Variants in FAM114A2 observed in about 807,000 individuals in gnomAD.
FAM114A2 encodes family with sequence similarity 114 member A2.
A neutral mutation model predicts 58.4 loss-of-function variants in FAM114A2; 53 were observed. The observed-to-expected ratio is 0.91, with a 90% CI of 0.73 to 1.14. The LOEUF (loss-of-function observed/expected upper bound fraction) is 1.14, where lower values mean the gene tolerates loss of function less well. Among genes scored for constraint, FAM114A2 ranks in the 50% most tolerant of loss-of-function variants. The pLI is 0.00. For missense variants in FAM114A2, 601 were observed against 581.1 expected, an observed-to-expected ratio of 1.03 and a Z score of -0.35; for synonymous variants, 228 against 211.4, an observed-to-expected ratio of 1.08 and a Z score of -0.68.
At chr5:154,036,526 C>G (rs1395525306) in intron 1 of FAM114A2, 1 of 152,138 alleles carries the variant, frequency 6.6e-6, no homozygotes, top group African/African-American at 2.4e-5. Flanking sequence ...CCCATGCTAT[C>G]AAAATGTTTC....
intron 4 of FAM114A2, among the ~76,000 whole-genome samples, chr5:154,033,401 C>A (rs1772322577): frequency 6.6e-6 from 1 of 152,100 alleles, no homozygotes; most frequent in South Asian, 2.1e-4. Flanking sequence ...AGGAATACAC[C>A]CCCAAAACAA....
rs77337363 is a variant in FAM114A2, at chr5:154,003,489, T to C, written c.994-520A>G. 6.1e-3 allele frequency among the ~76,000 whole-genome samples: 935 copies of C among 152,300 alleles called. 41 individuals are homozygous for C. In the East Asian group the frequency reaches 0.1, roughly 17 times the overall value. ...CCACTGCGCCCGGCCTCTAATCAGC[T>C]TTTTAAAAAACCAAGGTATAATTTA... On this transcript the variant is annotated intron_variant, in intron 9 of 13. Transcript: ENST00000351797.
At position 154,034,982 on chromosome 5, in the gene FAM114A2, G is replaced by GC. The variant is rs1554085403; in HGVS notation, c.-14-16dup. The GC allele has an allele frequency of 0.015, 22,569 of 1,505,252 alleles. 591 individuals are homozygous for GC. The highest frequency in any genetic ancestry group is 0.12 in the African/African-American group (7,443 of 60,222). The allele number at this position is 1,505,252 out of a possible 1,614,324, so 93.2% of individuals were successfully genotyped here. A position where few individuals can be genotyped will look rare whatever the true frequency, so the allele number is the denominator to read the frequency against. On this transcript the variant is annotated splice_polypyrimidine_tract_variant and intron_variant, in intron 1 of 13. Coordinates refer to ENST00000351797, the MANE Select transcript of FAM114A2 (RefSeq NM_018691.4). ...TAGAACATCAGCTGGTAAAATGAAA[G>GC]CCCAAAAAAAATTTATATAGGCTTC...
At chr5:154,005,041 A>T (rs1346829500) in intron 9 of FAM114A2, among the ~76,000 whole-genome samples, 2 of 152,174 alleles carry the variant, frequency 1.3e-5, no homozygotes, top group East Asian at 3.8e-4. Flanking sequence ...CCCAGACATC[A>T]TCTCTTTCAG....
At chr5:153,993,928 G>A (rs757308322) in intron 13 of FAM114A2, among the ~76,000 whole-genome samples, 9 of 152,140 alleles carry the variant, frequency 5.9e-5, no homozygotes, top group African/African-American at 1.4e-4. Context: ...CTCAGATATC[G>A]TCTAGTTAAA....
intron 8 of FAM114A2, among the ~76,000 whole-genome samples, chr5:154,025,940 G>A (rs1345041455): frequency 6.6e-6 from 1 of 152,032 alleles, no homozygotes; most frequent in Non-Finnish European, 1.5e-5. Context: ...AATAAAAAAA[G>A]ACAAACTATC....
At chr5:154,002,495 G>T in intron 10 of FAM114A2, 105 bp from the exon 11 acceptor site, 1 of 1,210,970 alleles carries the variant, frequency 8.3e-7, no homozygotes, top group Non-Finnish European at 1.2e-6. Context: ...ACTAATAGTT[G>T]CCTTCCAATA....
rs201979939 is a variant in FAM114A2, at chr5:154,011,294, T to C, written c.940A>G (p.Thr314Ala). 154 of 1,612,856 alleles carry C rather than the reference T, an allele frequency of 9.5e-5. No individual in the cohort carries two copies. The highest frequency in any genetic ancestry group is 1.2e-4 in the Non-Finnish European group (146 of 1,179,336). ...ACGTGCAGCTGGGAAAACAGCTCTGTTATGTCCTTGGTAAAATCTTCATCC... is the reference window on the plus strand; with the variant it reads ...ACGTGCAGCTGGGAAAACAGCTCTGCTATGTCCTTGGTAAAATCTTCATCC... ...KGDEDFTKDI[T>A]ELFSQLHVSS... The change falls in exon 9 of 14, where the codon ACA (threonine) becomes GCA (alanine). Residue 314 changes from threonine (T) to alanine (A), a missense_variant. Coordinates refer to ENST00000351797, the MANE Select transcript of FAM114A2 (RefSeq NM_018691.4).
At chr5:154,014,870 A>G (rs892114649) in intron 8 of FAM114A2, among the ~76,000 whole-genome samples, 2 of 152,134 alleles carry the variant, frequency 1.3e-5, no homozygotes, top group African/African-American at 4.8e-5. Context: ...TGAAAGTCCT[A>G]CTTGCTTTCA....
intron 8 of FAM114A2, among the ~76,000 whole-genome samples, chr5:154,017,047 A>C (rs1042965598): frequency 1.3e-5 from 2 of 152,260 alleles, no homozygotes; most frequent in Admixed American, 1.3e-4. Flanking sequence ...ACATCATATA[A>C]TGGCAAAAGG....
At chr5:154,024,613 CATT>C (rs1466528787) in intron 8 of FAM114A2, among the ~76,000 whole-genome samples, 1 of 152,106 alleles carries the variant, frequency 6.6e-6, no homozygotes, top group Non-Finnish European at 1.5e-5. Context: ...CTTTTCAGAT[CATT>C]ATTAATATTC....
chr5:153,996,022 T>C (rs1769534794), intron 12 of FAM114A2, among the ~76,000 whole-genome samples: 1 of 152,056 alleles, frequency 6.6e-6, no homozygotes, highest in African/African-American at 2.4e-5. Context: ...AAACAAAAAT[T>C]AATTAGAATT....
chr5:154,037,338 T>C (rs534809702), intron 1 of FAM114A2: 2 of 152,060 alleles, frequency 1.3e-5, no homozygotes, highest in Non-Finnish European at 2.9e-5. Context: ...CCAAAACACA[T>C]AGAGAAAAAA....
At chr5:154,034,452 C>G in intron 2 of FAM114A2, 75 bp from the exon 3 acceptor site, 1 of 882,298 alleles carries the variant, frequency 1.1e-6, no homozygotes. Context: ...AATGTACAGA[C>G]AAGGTATCTA....
chr5:154,015,437 G>T (rs1313294087), intron 8 of FAM114A2, among the ~76,000 whole-genome samples: 1 of 152,196 alleles, frequency 6.6e-6, no homozygotes, highest in Non-Finnish European at 1.5e-5. Context: ...CACACAGACA[G>T]TTCACAGGAC....
intron 2 of FAM114A2, 39 bp from the exon 3 acceptor site, chr5:154,034,416 A>G (rs911772221): frequency 1.6e-6 from 2 of 1,282,744 alleles, no homozygotes; most frequent in Non-Finnish European, 2.2e-6. Flanking sequence ...AGGCAAAGAA[A>G]AATGAAAAAA....
intron 11 of FAM114A2, among the ~76,000 whole-genome samples, chr5:154,001,993 A>C (rs1449814075): frequency 1.3e-5 from 2 of 152,230 alleles, no homozygotes; most frequent in Admixed American, 6.5e-5. Flanking sequence ...ACTTATACCA[A>C]ATTCCATTCC....
At chr5:154,002,564 T>C (rs2560060) in intron 10 of FAM114A2, among the ~76,000 whole-genome samples, 174 bp from the exon 11 acceptor site, 93,362 of 152,046 alleles carry the variant, frequency 0.61, 29,203 homozygotes, top group East Asian at 0.88. Context: ...TCCCCTGAAG[T>C]CAGGTGTGAC....
intron 1 of FAM114A2, chr5:154,036,098 T>C (rs1444522496): frequency 6.6e-6 from 1 of 152,202 alleles, no homozygotes; most frequent in East Asian, 1.9e-4. Context: ...TTTGCAAATA[T>C]TTTTTTCCAG....
Sources: gnomAD v4.1 joint callset for allele counts (sites outside exome capture counted in the v4.1 genomes callset) on GRCh38, gnomAD v4.1.1 for gene constraint, MANE v1.5 for transcripts, NCBI Gene and HGNC (gene_info 2026-07-23, HGNC 2026-07-21) for gene names.